AMPD2: variants seen among roughly 807,000 people sequenced by gnomAD.
AMPD2 encodes AMP deaminase 2.
AMPD2 carries 52 observed loss-of-function variants against 91.3 expected under a neutral mutation model. The observed-to-expected ratio is 0.57, with a 90% CI of 0.46 to 0.72. The LOEUF (loss-of-function observed/expected upper bound fraction) is 0.72, where lower values mean the gene tolerates loss of function less well. Among genes scored for constraint, AMPD2 ranks in the 30% least tolerant of loss-of-function variants. The pLI is 0.00. For missense variants in AMPD2, 822 were observed against 1,122.3 expected, an observed-to-expected ratio of 0.73 and a Z score of 3.82; for synonymous variants, 455 against 456.4, an observed-to-expected ratio of 1.00 and a Z score of 0.04.
Position 109,626,244 on chromosome 1 carries a change from G to C in AMPD2, c.422+16G>C. 6.2e-7 allele frequency: 1 copy of C among 1,614,016 alleles called. No homozygotes were observed. Among genetic ancestry groups the C allele is most frequent in the Non-Finnish European group, 8.5e-7 (1 of 1,179,944 alleles). ...CGGACCTACAGTGAGGAGGGCAGAG[G>C]GGCACAGGGGATGCGGAGCTGCAGC... On this transcript the variant is annotated intron_variant, in intron 5 of 18. Coordinates refer to ENST00000528667, the MANE Select transcript of AMPD2 (RefSeq NM_001368809.2).
intron 13 of AMPD2, 35 bp from the exon 14 acceptor site, chr1:109,629,074 G>T: frequency 6.2e-7 from 1 of 1,609,102 alleles, no homozygotes; most frequent in South Asian, 1.1e-5. Flanking sequence ...CACTGGCCCT[G>T]ACTTGCACAT....
chr1:109,620,728 T>C, intron 1 of AMPD2, 186 bp from the exon 2 acceptor site: 1 of 1,240,720 alleles, frequency 8.1e-7, no homozygotes, highest in Non-Finnish European at 1.0e-6. Flanking sequence ...CGCTCGCTGC[T>C]GAATTCCTGT....
chr1:109,625,343 C>T lies in AMPD2; in HGVS notation c.132C>T (p.Ala44=), dbSNP rs1321683862. The change falls in exon 3 of 19, where the codon GCC becomes GCT. Residue 44 remains alanine (A), a synonymous_variant. Transcript: ENST00000528667. The surrounding 1 kb of genome is among the most constrained non-coding windows in gnomAD (Gnocchi z 4.0). ...GGLGAPPLQS[A]RSLPGPAPCL... The stretch of plus-strand genomic sequence containing the variant: ...TGGGGGCCCCTCCGCTGCAGTCTGC[C>T]CGATCCCTGCCGGGCCCCGCCCCCT... The T allele has an allele frequency of 1.2e-6, 2 of 1,613,402 alleles. No individual in the cohort carries two copies. Among genetic ancestry groups the T allele is most frequent in the Admixed American group, 3.3e-5 (2 of 59,994 alleles).
Position 109,620,902 on chromosome 1 carries a change from G to T in AMPD2, c.-262-12G>T. ...CTTCTTTTCTACCCACCCCCTCCCCGCCCCCCGCCAGGCCCAGCCACCATC... is the reference window on the plus strand; with the variant it reads ...CTTCTTTTCTACCCACCCCCTCCCCTCCCCCCGCCAGGCCCAGCCACCATC... On this transcript the variant is annotated splice_polypyrimidine_tract_variant and intron_variant, in intron 1 of 18. Transcript: ENST00000528667. 2 of 1,056,494 alleles carry T rather than the reference G, an allele frequency of 1.9e-6. No homozygotes were observed. Among genetic ancestry groups the T allele is most frequent in the South Asian group, 1.7e-5 (1 of 60,146 alleles). The allele number at this position is 1,056,494 out of a possible 1,614,324, so 65.4% of individuals were successfully genotyped here. A position where few individuals can be genotyped will look rare whatever the true frequency, so the allele number is the denominator to read the frequency against.
intron 16 of AMPD2, 37 bp from the exon 17 acceptor site, chr1:109,630,196 C>T (rs1252544329): frequency 1.2e-6 from 2 of 1,606,348 alleles, no homozygotes; most frequent in Non-Finnish European, 1.7e-6. Context: ...AGCCTCGGGG[C>T]CACCTGACAG....
intron 2 of AMPD2, chr1:109,623,954 A>G: frequency 1.0e-6 from 1 of 975,930 alleles, no homozygotes; most frequent in Non-Finnish European, 1.2e-6. Context: ...GCTCACGGCC[A>G]TCTCAGGGTC....
chr1:109,622,088 C>T, intron 2 of AMPD2: 1 of 399,490 alleles, frequency 2.5e-6, no homozygotes, highest in South Asian at 1.8e-5. Flanking sequence ...CCCACCCTGA[C>T]TTTGATGACC....
rs1172285962 is a variant in AMPD2 at position 109,625,070 on chromosome 1, G to A, written c.92-233G>A. Among the ~76,000 whole-genome samples, 1 of 152,116 alleles carries A rather than the reference G, an allele frequency of 6.6e-6. No individual in the cohort carries two copies. The highest frequency in any genetic ancestry group is 2.4e-5 in the African/African-American group (1 of 41,410). On this transcript the variant is annotated intron_variant, in intron 2 of 18. Transcript: ENST00000528667. The surrounding 1 kb of genome is among the most constrained non-coding windows in gnomAD (Gnocchi z 4.0). ...GGTAATGAATCTACTTGTTCTAGGG[G>A]CAGACTCAGAATCCCCACCCCAAGC...
intron 2 of AMPD2, chr1:109,623,719 T>A (rs1650429829): frequency 6.6e-6 from 1 of 152,424 alleles, no homozygotes; most frequent in South Asian, 2.1e-4. Context: ...CCACTCACTG[T>A]CCCCTAGGGC....
In AMPD2 at chr1:109,628,187, G is replaced by A; in HGVS notation, c.1185G>A (p.Glu395=). The A allele has an allele frequency of 6.2e-7, 1 of 1,614,088 alleles. No homozygotes were observed. Among genetic ancestry groups the A allele is most frequent in the Non-Finnish European group, 8.5e-7 (1 of 1,180,038 alleles). ...ACCTGGAGGAGATCGTGCACGTGGA[G>A]CAGGGCCGTGAACAGACGCTGCGGG... ...KRHLEEIVHV[E]QGREQTLREV... The change falls in exon 11 of 19, where the codon GAG becomes GAA. Residue 395 remains glutamate, a synonymous_variant. Transcript: ENST00000528667. The surrounding 1 kb of genome is among the most constrained non-coding windows in gnomAD (Gnocchi z 7.1).
At position 109,625,411 on chromosome 1, in the gene AMPD2, G is replaced by C; in HGVS notation, c.200G>C (p.Gly67Ala). The C allele has an allele frequency of 6.2e-7, 1 of 1,613,978 alleles. No individual in the cohort carries two copies. Reference protein sequence around the residue: ...FPLDLRTSMDGKCKEIAEELF... With the variant: ...FPLDLRTSMDAKCKEIAEELF... ...CTCGACCTGCGCACGTCTATGGATG[G>C]CAAATGCAAGGAGATCGCCGAGGTA... Residue 67 changes from glycine to alanine, a missense_variant, in exon 3 of 19, where the codon GGC becomes GCC. Physicochemically the swap from Gly to Ala is moderately conservative, Grantham distance 60. Transcript: ENST00000528667. This position sits in a 1 kb window ranked among gnomAD's most constrained non-coding sequence, Gnocchi z 4.0.
chr1:109,626,031 GGGTT>G, intron 4 of AMPD2, 125 bp from the exon 5 acceptor site: 1 of 1,181,998 alleles, frequency 8.5e-7, no homozygotes, highest in Admixed American at 2.0e-5. Flanking sequence ...GAACAGCACA[GGGTT>G]CTGCAGCTCT....
rs746625106 is a variant in AMPD2 at position 109,626,457 on chromosome 1, G to A, written c.531+30G>A. ...GTATGGGGTGTATGTTGGGTGAGTC[G>A]CCATCACCTATGTCTTAGTGGGTTC... On this transcript the variant is annotated intron_variant, in intron 6 of 18. Coordinates refer to ENST00000528667, the MANE Select transcript of AMPD2 (RefSeq NM_001368809.2). 19 of 1,563,098 alleles carry A rather than the reference G, an allele frequency of 1.2e-5. No homozygotes were observed. In the East Asian group the frequency reaches 2.1e-4, roughly 17 times the overall value.
At chr1:109,620,542 T>C (rs1650154337) in intron 1 of AMPD2, 1 of 1,267,226 alleles carries the variant, frequency 7.9e-7, no homozygotes, top group African/African-American at 1.6e-5. Flanking sequence ...TTGGCGACGG[T>C]GGAATTTTCC....
chr1:109,626,769 G>T lies in AMPD2; in HGVS notation c.575G>T (p.Arg192Leu), dbSNP rs1490796544. Residue 192 changes from arginine to leucine, a missense_variant, in exon 7 of 19, where the codon CGG becomes CTG. Arg to Leu is a moderately radical substitution (Grantham distance 102, BLOSUM62 -2). Around this residue, in one of 5 missense-constraint regions of AMPD2, gnomAD observed 240 missense variants for 270.3 expected, o/e 0.89. Transcript: ENST00000528667. ...CTGGATGCAGCCAAGAGTGTGGTGC[G>T]GGCGCTCTTCATCCGGGAGAAGTAC... ...DLLDAAKSVV[R>L]ALFIREKYMA... 1.2e-6 allele frequency: 2 copies of T among 1,613,894 alleles called. No individual in the cohort carries two copies. Among genetic ancestry groups the T allele is most frequent in the Non-Finnish European group, 1.7e-6 (2 of 1,179,894 alleles).
chr1:109,621,419 GAAGGT>G, intron 2 of AMPD2, 153 bp downstream of exon 2: 2 of 429,614 alleles, frequency 4.7e-6, no homozygotes, highest in East Asian at 7.9e-5. Context: ...AGCCGGCTTG[GAAGGT>G]GGGGTGAGGG....
chr1:109,627,311 C>G lies in AMPD2; in HGVS notation c.855C>G (p.Asp285Glu). Residue 285 changes from aspartate (D) to glutamate (E), a missense_variant, in exon 8 of 19, where the codon GAC becomes GAG. Physicochemically the swap from Asp to Glu is conservative, Grantham distance 45. This residue lies in a region of AMPD2 where 240 missense variants were observed against 270.3 expected (regional missense o/e 0.89). Coordinates refer to ENST00000528667, the MANE Select transcript of AMPD2 (RefSeq NM_001368809.2). ...ACGTCTACACCCGCAGGGAACCCGA[C>G]GAGCAGTAAGAGGGGTGTGGTGCAT... is the stretch of plus-strand genomic sequence containing the variant. ...VVHVYTRREP[D>E]EHCSEVELPY... 6.2e-7 allele frequency: 1 copy of G among 1,604,384 alleles called. No homozygotes were observed. Among genetic ancestry groups the G allele is most frequent in the Non-Finnish European group, 8.5e-7 (1 of 1,173,350 alleles).
In AMPD2 at chr1:109,628,238, G is replaced by A. The variant is rs143970486; in HGVS notation, c.1236G>A (p.Thr412=). ...AGGTCTTTGAGAGCATGAATCTCAC[G>A]GCCTACGACCTGAGTGTGGACACGC... ...LREVFESMNL[T]AYDLSVDTLD... is the part of the protein sequence containing the mutation. Residue 412 remains threonine, a synonymous_variant, in exon 11 of 19, where the codon ACG becomes ACA. Coordinates refer to ENST00000528667, the MANE Select transcript of AMPD2 (RefSeq NM_001368809.2). This position sits in a 1 kb window ranked among gnomAD's most constrained non-coding sequence, Gnocchi z 7.1. 8.1e-6 allele frequency: 13 copies of A among 1,613,880 alleles called. No homozygotes were observed. In the African/African-American group the frequency reaches 9.3e-5, roughly 12 times the overall value.
chr1:109,627,907 GGCC>G lies in AMPD2; in HGVS notation c.1080+5_1080+7del. The G allele has an allele frequency of 6.2e-7, 1 of 1,613,846 alleles. No individual in the cohort carries two copies. Among genetic ancestry groups the G allele is most frequent in the Non-Finnish European group, 8.5e-7 (1 of 1,179,948 alleles). On this transcript the variant is annotated splice_donor_5th_base_variant and intron_variant, in intron 10 of 18. Coordinates refer to ENST00000528667, the MANE Select transcript of AMPD2 (RefSeq NM_001368809.2). ...AGATTTCTACAACATCCGCAAGGTG[GGCC>G]CTCACCCCGTGGCCGTCTCCATGTC...
Sources: allele counts gnomAD v4.1 joint callset (sites outside exome capture counted in the v4.1 genomes callset), GRCh38; gene constraint gnomAD v4.1.1; regional missense constraint gnomAD v4.1.1; non-coding constraint Gnocchi (gnomAD v3.1); transcripts MANE v1.5; gene names NCBI Gene and HGNC (gene_info 2026-07-23, HGNC 2026-07-21).